CPA3: variants seen among roughly 807,000 people sequenced by gnomAD.
The protein encoded by CPA3 is carboxypeptidase A3, also known as mast cell carboxypeptidase A.
A neutral mutation model predicts 55.8 loss-of-function variants in CPA3; 52 were observed. The ratio of observed to expected loss-of-function variants is 0.93; its 90% CI spans 0.75 to 1.17. CPA3 has a LOEUF of 1.17. CPA3 is among the 50% of genes most tolerant of loss of function. The pLI is 0.00. For synonymous variants in CPA3, 179 were observed against 171.2 expected (o/e 1.05, Z -0.36); for missense variants, 547 against 509.1 (o/e 1.07, Z -0.72).
intron 3 of CPA3, among the ~76,000 whole-genome samples, chr3:148,869,511 G>C (rs750737325): frequency 2.7e-5 from 4 of 150,034 alleles, no homozygotes; most frequent in Non-Finnish European, 4.4e-5. Flanking sequence ...GTATGTCATT[G>C]GTATGTCAGA....
At chr3:148,867,002 C>A (rs562133364) in intron 2 of CPA3, among the ~76,000 whole-genome samples, 2 of 152,106 alleles carry the variant, frequency 1.3e-5, no homozygotes, top group Non-Finnish European at 2.9e-5. Context: ...GTGATCCACC[C>A]GCCTCAGCCT....
intron 3 of CPA3, among the ~76,000 whole-genome samples, chr3:148,877,087 G>A (rs1188487779): frequency 6.6e-6 from 1 of 152,204 alleles, no homozygotes; most frequent in Non-Finnish European, 1.5e-5. Context: ...GTAGGCAGTT[G>A]GATGTGTAAG....
chr3:148,887,744 T>G (rs1306292468), intron 10 of CPA3, among the ~76,000 whole-genome samples: 2 of 152,212 alleles, frequency 1.3e-5, no homozygotes, highest in African/African-American at 4.8e-5. Context: ...GTCTCAAAAT[T>G]TATACAAAAT....
intron 10 of CPA3, among the ~76,000 whole-genome samples, chr3:148,889,273 G>A (rs759488637): frequency 8.5e-5 from 13 of 152,208 alleles, no homozygotes; most frequent in African/African-American, 1.4e-4. Context: ...TGTGATTAAA[G>A]TTTAGTCATT....
At chr3:148,894,177 G>A (rs1301070875) in intron 10 of CPA3, among the ~76,000 whole-genome samples, 1 of 152,160 alleles carries the variant, frequency 6.6e-6, no homozygotes, top group Non-Finnish European at 1.5e-5. Flanking sequence ...TGTTTGATGT[G>A]ATGTTCAATG....
At chr3:148,885,964 AG>A in intron 9 of CPA3, 128 bp from the exon 10 acceptor site, 1 of 664,764 alleles carries the variant, frequency 1.5e-6, no homozygotes, top group Non-Finnish European at 2.6e-6. Context: ...TTGAAACTAA[AG>A]ATCAAGGGAT....
In CPA3 at chr3:148,865,509, A is replaced by G. The variant is rs569817031; in HGVS notation, c.105A>G (p.Lys35=). 4 of 1,613,884 alleles carry G rather than the reference A, an allele frequency of 2.5e-6. No individual in the cohort carries two copies. The highest frequency in any genetic ancestry group is 1.3e-5 in the African/African-American group (1 of 74,850). ...TCCGCGTGAAGCCCCAGGATGAAAA[A>G]CAAGCAGACATCATAAAGGACTTGG... ...KVFRVKPQDE[K]QADIIKDLAK... Residue 35 remains lysine (K), a synonymous_variant, in exon 2 of 11, where the codon AAA becomes AAG. Coordinates refer to ENST00000296046, the MANE Select transcript of CPA3 (RefSeq NM_001870.4).
In CPA3 at chr3:148,867,220, A is replaced by T. The variant is rs535613153; in HGVS notation, c.144+1672A>T. 2.6e-5 allele frequency among the ~76,000 whole-genome samples: 4 copies of T among 152,272 alleles called. No individual in the cohort carries two copies. In the East Asian group the frequency reaches 7.7e-4, roughly 29 times the overall value. Reference sequence around the variant, plus strand: ...GGCCCTGTACATCTTTTCTCATGAAAATGTGTTTCTCTCCCTTTTGACCTG... The same window carrying T: ...GGCCCTGTACATCTTTTCTCATGAATATGTGTTTCTCTCCCTTTTGACCTG... On this transcript the variant is annotated intron_variant, in intron 2 of 10. Transcript: ENST00000296046.
At chr3:148,890,892 T>C (rs921008497) in intron 10 of CPA3, among the ~76,000 whole-genome samples, 1 of 152,220 alleles carries the variant, frequency 6.6e-6, no homozygotes, top group Non-Finnish European at 1.5e-5. Context: ...TTGAAATAAG[T>C]AGGAAATATT....
In CPA3 at chr3:148,882,245, T is replaced by C. The variant is rs116176822; in HGVS notation, c.688-260T>C. ...CAGAACACCGTTAGTCATCTTCTAA[T>C]ACTGTGAACTAATCAACAGTGTTTA... On this transcript the variant is annotated intron_variant, in intron 7 of 10. Coordinates refer to ENST00000296046, the MANE Select transcript of CPA3 (RefSeq NM_001870.4). Among the ~76,000 whole-genome samples the C allele has an allele frequency of 6.5e-3, 993 of 152,338 alleles. 10 individuals carry two copies. Among genetic ancestry groups the C allele is most frequent in the Non-Finnish European group, 8.3e-3 (567 of 68,020 alleles).
chr3:148,877,235 C>T (rs1714232744), intron 3 of CPA3, among the ~76,000 whole-genome samples: 1 of 152,206 alleles, frequency 6.6e-6, no homozygotes, highest in Non-Finnish European at 1.5e-5. Flanking sequence ...ATGGCTCACG[C>T]CTGTAATCCC....
intron 5 of CPA3, among the ~76,000 whole-genome samples, chr3:148,879,319 C>G (rs1714297159): frequency 6.6e-6 from 1 of 152,170 alleles, no homozygotes; most frequent in African/African-American, 2.4e-5. Flanking sequence ...CAAACCTGCA[C>G]TCTCTTCAAA....
intron 3 of CPA3, among the ~76,000 whole-genome samples, chr3:148,869,464 A>G (rs1714001132): frequency 1.3e-5 from 2 of 152,190 alleles, no homozygotes; most frequent in African/African-American, 4.8e-5. Context: ...GGAGACCAAA[A>G]AAAAAAGTCA....
chr3:148,868,682 T>A (rs1221667819), intron 2 of CPA3, among the ~76,000 whole-genome samples: 1 of 143,782 alleles, frequency 7.0e-6, no homozygotes. Context: ...CTGAAGTCCT[T>A]AAAAAAAAAA....
intron 10 of CPA3, among the ~76,000 whole-genome samples, chr3:148,889,395 G>A (rs543749028): frequency 4.2e-4 from 64 of 152,226 alleles, no homozygotes; most frequent in African/African-American, 1.3e-3. Context: ...AGGACTGGGG[G>A]AGCATTTTTT....
chr3:148,890,300 A>G (rs1714635002), intron 10 of CPA3, among the ~76,000 whole-genome samples: 1 of 152,210 alleles, frequency 6.6e-6, no homozygotes, highest in South Asian at 2.1e-4. Context: ...CCTAGTGAGC[A>G]AGAATAGTTA....
chr3:148,883,807 G>T lies in CPA3; in HGVS notation c.973G>T (p.Glu325Ter). 6.2e-7 allele frequency: 1 copy of T among 1,613,514 alleles called. No individual in the cohort carries two copies. The highest frequency in any genetic ancestry group is 1.1e-5 in the South Asian group (1 of 91,050). ...GYTSKLPPNHEDLAKVAKIGT... is the reference protein window; with the variant it reads ...GYTSKLPPNH ...TACATCAAAACTGCCACCTAACCAT[G>T]AGGACTTGGTACGTAGACAAAAGTT... is the stretch of plus-strand genomic sequence containing the variant. The change falls in exon 9 of 11, where the codon GAG (glutamate) becomes TAG (stop). Residue 325 changes from glutamate to a stop codon, truncating the protein, a stop_gained. Transcript: ENST00000296046. LOFTEE classifies it high-confidence loss of function.
At chr3:148,884,670 T>C (rs1714478819) in intron 9 of CPA3, among the ~76,000 whole-genome samples, 1 of 152,126 alleles carries the variant, frequency 6.6e-6, no homozygotes, top group Non-Finnish European at 1.5e-5. Context: ...AGCAGAGACC[T>C]GAATCAGTCA....
At chr3:148,879,929 C>CA in intron 6 of CPA3, 40 bp downstream of exon 6, 1 of 1,368,980 alleles carries the variant, frequency 7.3e-7, no homozygotes, top group Non-Finnish European at 1.0e-6. Flanking sequence ...CTTTGACTGC[C>CA]AAGTCTCCAG....
Sources: gnomAD v4.1 joint callset for allele counts (sites outside exome capture counted in the v4.1 genomes callset) on GRCh38, gnomAD v4.1.1 for gene constraint, MANE v1.5 for transcripts, NCBI Gene and HGNC (gene_info 2026-07-23, HGNC 2026-07-21) for gene names.